The following ASAP1 variants were observed in gnomAD, a reference collection of about 807,000 sequenced individuals.
ASAP1 encodes the protein ArfGAP with SH3 domain, ankyrin repeat and PH domain 1, also known as arf-GAP with SH3 domain, ANK repeat and PH domain-containing protein 1.
Under a neutral mutation model 145.2 loss-of-function variants are expected in ASAP1, and 43 were observed. The ratio of observed to expected loss-of-function variants is 0.30; its 90% CI spans 0.23 to 0.38. The LOEUF (loss-of-function observed/expected upper bound fraction) is 0.38. Ranked by LOEUF, ASAP1 falls within the 10% of genes least tolerant of loss-of-function variation. The pLI is 1.00. For missense variants in ASAP1, 1,018 were observed against 1,355.3 expected, an observed-to-expected ratio of 0.75 and a Z score of 3.91; for synonymous variants, 546 against 515.5, an observed-to-expected ratio of 1.06 and a Z score of -0.80.
intron 2 of ASAP1, among the ~76,000 whole-genome samples, chr8:130,396,639 A>T (rs927147047): frequency 6.6e-6 from 1 of 152,248 alleles, no homozygotes; most frequent in Non-Finnish European, 1.5e-5. Context: ...TTAGCAATGC[A>T]GAGTTGAGAG....
chr8:130,300,153 C>CACACAGAGAGAGAG (rs1196584279), intron 3 of ASAP1, among the ~76,000 whole-genome samples: 104 of 76,892 alleles, frequency 1.4e-3, no homozygotes, highest in East Asian at 0.013. Flanking sequence ...CACACACACA[C>CACACAGAGAGAGAG]AGAGAGAGAG....
chr8:130,064,919 G>GTA lies in ASAP1; in HGVS notation c.2702-3851_2702-3850insTA, dbSNP rs1466151212. ...TGTGTGTGTGTGTGTGTGTGTGTGT[G>GTA]TGTGTGTGTGTGTGTAAGAATCACA... On this transcript the variant is annotated intron_variant, in intron 27 of 29. Transcript: ENST00000518721. Among the ~76,000 whole-genome samples, 10 of 144,956 alleles carry GTA rather than the reference G, an allele frequency of 6.9e-5. No homozygotes were observed. In the East Asian group the frequency reaches 1.9e-3, roughly 28 times the overall value.
chr8:130,244,998 T>C (rs1312219024), intron 3 of ASAP1, among the ~76,000 whole-genome samples: 1 of 152,044 alleles, frequency 6.6e-6, no homozygotes, highest in East Asian at 1.9e-4. Flanking sequence ...CTAAGAATCA[T>C]CCTGTGTAAC....
chr8:130,162,861 C>G (rs2097672405), intron 11 of ASAP1: 1 of 152,076 alleles, frequency 6.6e-6, no homozygotes. Context: ...TCCCTGTACA[C>G]TGGTGCTCAC....
chr8:130,361,789 C>T (rs1206000844), intron 2 of ASAP1: 6 of 1,486,988 alleles, frequency 4.0e-6, no homozygotes. Context: ...CAAATAGAGA[C>T]TGACATGGGC....
chr8:130,291,331 A>C (rs536373098), intron 3 of ASAP1, among the ~76,000 whole-genome samples: 34 of 152,332 alleles, frequency 2.2e-4, no homozygotes, highest in Non-Finnish European at 4.1e-4. Context: ...AGGAAAAATA[A>C]TTCTGTAAGA....
At chr8:130,416,971 G>C (rs1829500563) in intron 1 of ASAP1, among the ~76,000 whole-genome samples, 1 of 152,194 alleles carries the variant, frequency 6.6e-6, no homozygotes, top group Non-Finnish European at 1.5e-5. Context: ...AAGAAATAAA[G>C]GCCATAGCTC....
At chr8:130,429,175 T>C (rs1323414930) in intron 1 of ASAP1, among the ~76,000 whole-genome samples, 2 of 152,242 alleles carry the variant, frequency 1.3e-5, no homozygotes, top group African/African-American at 2.4e-5. Flanking sequence ...CTCGCCCTAA[T>C]GACTTCATTT....
intron 1 of ASAP1, among the ~76,000 whole-genome samples, chr8:130,415,148 A>G (rs995226975): frequency 6.6e-6 from 1 of 152,252 alleles, no homozygotes; most frequent in Non-Finnish European, 1.5e-5. Context: ...GATAAAAACA[A>G]ATAAGGGAAG....
At chr8:130,300,184 A>AGAGAGAGAGCGAGC (rs761456724) in intron 3 of ASAP1, among the ~76,000 whole-genome samples, 30 of 140,358 alleles carry the variant, frequency 2.1e-4, no homozygotes, top group African/African-American at 7.2e-4. Context: ...AGAGAGAGAG[A>AGAGAGAGAGCGAGC]GAGCGAGCGA....
rs1815211148 is a variant in ASAP1 at position 130,192,542 on chromosome 8, T to C, written c.406-4359A>G. Among the ~76,000 whole-genome samples the C allele has an allele frequency of 2.0e-5, 3 of 152,178 alleles. No individual in the cohort carries two copies. In the South Asian group the frequency reaches 6.2e-4, roughly 32 times the overall value. On this transcript the variant is annotated intron_variant, in intron 5 of 29. Transcript: ENST00000518721. ...ATTCTTGGAGTACAATTCCCTAGCATCCTCCTATCCTATGGGCCTTAGAAG... is the reference window on the plus strand; with the variant it reads ...ATTCTTGGAGTACAATTCCCTAGCACCCTCCTATCCTATGGGCCTTAGAAG...
chr8:130,160,039 G>A (rs1482298298), intron 11 of ASAP1, 75 bp from the exon 12 acceptor site: 1 of 1,292,110 alleles, frequency 7.7e-7, no homozygotes, highest in East Asian at 2.3e-5. Flanking sequence ...CTGCCATTGA[G>A]CCTTTGGCAC....
chr8:130,353,832 C>A (rs779757713), intron 3 of ASAP1, among the ~76,000 whole-genome samples: 13 of 152,090 alleles, frequency 8.5e-5, no homozygotes. Flanking sequence ...GATCGCACCA[C>A]TGCACTGCAG....
At chr8:130,063,004 C>T (rs765559813) in intron 27 of ASAP1, among the ~76,000 whole-genome samples, 1 of 151,238 alleles carries the variant, frequency 6.6e-6, no homozygotes, top group Non-Finnish European at 1.5e-5. Flanking sequence ...GATATGTAGC[C>T]AATAAAAATT....
At chr8:130,316,928 G>A (rs1411388444) in intron 3 of ASAP1, among the ~76,000 whole-genome samples, 1 of 152,114 alleles carries the variant, frequency 6.6e-6, no homozygotes, top group Non-Finnish European at 1.5e-5. Flanking sequence ...TCTCCAACAC[G>A]ACAACTCATT....
chr8:130,294,285 G>A (rs1387123732), intron 3 of ASAP1, among the ~76,000 whole-genome samples: 6 of 152,190 alleles, frequency 3.9e-5, no homozygotes, highest in African/African-American at 1.4e-4. Context: ...GAAGTATTTG[G>A]TAATGAGTTC....
chr8:130,361,865 C>T, intron 2 of ASAP1: 1 of 878,038 alleles, frequency 1.1e-6, no homozygotes, highest in Admixed American at 2.0e-5. Flanking sequence ...TCCCCAAAGC[C>T]AGGAAAAATG....
chr8:130,183,528 G>C (rs1814512098), intron 7 of ASAP1, among the ~76,000 whole-genome samples: 1 of 151,992 alleles, frequency 6.6e-6, no homozygotes, highest in Non-Finnish European at 1.5e-5. Context: ...TTTTAGTAGA[G>C]ACAAGGTTTT....
chr8:130,251,626 T>C (rs907701692), intron 3 of ASAP1, among the ~76,000 whole-genome samples: 2 of 151,902 alleles, frequency 1.3e-5, no homozygotes, highest in Non-Finnish European at 1.5e-5. Flanking sequence ...GAGGGAAAAA[T>C]ACAACAAAAA....
Sources: allele counts gnomAD v4.1 joint callset (sites outside exome capture counted in the v4.1 genomes callset), GRCh38; gene constraint gnomAD v4.1.1; transcripts MANE v1.5; gene names NCBI Gene and HGNC (gene_info 2026-07-23, HGNC 2026-07-21).